The following NBPF9 variants were observed in gnomAD, a reference collection of about 807,000 sequenced individuals.
The protein encoded by NBPF9 is NBPF member 9.
In NBPF9, 91 loss-of-function variants were observed where a neutral mutation model predicts 97.8. That is an observed-to-expected ratio of 0.93 (90% CI 0.79 to 1.11). NBPF9 has a LOEUF of 1.11. NBPF9 is among the 50% of genes least tolerant of loss of function. The pLI, the probability that NBPF9 is intolerant of heterozygous loss-of-function variation, is 0.00. For missense variants in NBPF9, 992 were observed against 939.5 expected, an observed-to-expected ratio of 1.06 and a Z score of -0.73; for synonymous variants, 334 against 359.5, an observed-to-expected ratio of 0.93 and a Z score of 0.80.
chr1:149,097,588 CT>C (rs2081869245), intron 4 of NBPF9, among the ~76,000 whole-genome samples: 1 of 152,162 alleles, frequency 6.6e-6, no homozygotes, highest in Admixed American at 6.5e-5. Context: ...GACTTCCCTC[CT>C]TGCACTGGCT....
intron 5 of NBPF9, among the ~76,000 whole-genome samples, chr1:149,086,860 C>G (rs2081044156): frequency 6.6e-6 from 1 of 152,098 alleles, no homozygotes; most frequent in African/African-American, 2.4e-5. Flanking sequence ...TCTGGAAACA[C>G]ACATACAGAT....
chr1:149,081,436 T>C (rs1456702022), intron 7 of NBPF9, among the ~76,000 whole-genome samples: 1 of 150,100 alleles, frequency 6.7e-6, no homozygotes, highest in African/African-American at 2.4e-5. Context: ...CTGCTCTTGA[T>C]GCTGTCACTT....
intron 13 of NBPF9, among the ~76,000 whole-genome samples, chr1:149,073,217 C>T (rs587607045): frequency 6.6e-4 from 97 of 147,528 alleles, no homozygotes; most frequent in African/African-American, 2.3e-3. Context: ...AAAAGACATC[C>T]TTTCAGTTCC....
rs587763721 is a variant in NBPF9 at position 149,076,428 on chromosome 1, C to G, written c.779-564G>C. 7.5e-4 allele frequency among the ~76,000 whole-genome samples: 113 copies of G among 151,154 alleles called. 2 individuals are homozygous for G. The highest frequency in any genetic ancestry group is 3.4e-3 in the Middle Eastern group (1 of 294). On this transcript the variant is annotated intron_variant, in intron 11 of 29. Coordinates refer to ENST00000584027, the Ensembl canonical transcript of NBPF9. ...GACAGGCTGGTTTCGAACTCCTGAG[C>G]TCAGGTGTTCCGCCCACCTCGGCCT...
intron 12 of NBPF9, among the ~76,000 whole-genome samples, chr1:149,074,644 G>A (rs1184228622): frequency 6.6e-6 from 1 of 151,192 alleles, no homozygotes; most frequent in East Asian, 1.9e-4. Flanking sequence ...ATGGAGCCCA[G>A]GAGACAGGCC....
chr1:149,084,130 C>T (rs1221486732), intron 5 of NBPF9, among the ~76,000 whole-genome samples: 18 of 150,356 alleles, frequency 1.2e-4, no homozygotes, highest in East Asian at 2.0e-4. Flanking sequence ...GGACGGGGAA[C>T]ATCACACACC....
intron 7 of NBPF9, among the ~76,000 whole-genome samples, chr1:149,080,709 T>C (rs1575853595): frequency 7.1e-6 from 1 of 140,332 alleles, no homozygotes; most frequent in African/African-American, 2.7e-5. Flanking sequence ...GAAGGAAATA[T>C]GCCCAAATAC....
At position 149,061,049 on chromosome 1, in the gene NBPF9, A is replaced by T. The variant is rs648670; in HGVS notation, c.2303+283T>A. ...GCATACAGGGATCATGAAAAGACTGAGCTCAATAATTTTCCATAAAATGTG... is the reference window on the plus strand; with the variant it reads ...GCATACAGGGATCATGAAAAGACTGTGCTCAATAATTTTCCATAAAATGTG... On this transcript the variant is annotated intron_variant, in intron 23 of 29. Coordinates refer to ENST00000584027, the Ensembl canonical transcript of NBPF9. The T allele has an allele frequency of 8.9e-4, 375 of 420,132 alleles. 86 individuals are homozygous for T. Among genetic ancestry groups the T allele is most frequent in the Middle Eastern group, 2.4e-3 (3 of 1,276 alleles). The allele number at this position is 420,132 out of a possible 1,614,324, so 26.0% of individuals were successfully genotyped here.
intron 16 of NBPF9, 131 bp downstream of exon 16, chr1:149,070,803 C>T (rs587605852): frequency 1.7e-5 from 26 of 1,491,498 alleles, no homozygotes; most frequent in Admixed American, 5.3e-5. Context: ...GGACAAAAAA[C>T]TCCCTGATAT....
At chr1:149,072,770 C>A in exon 14 of NBPF9, 2 of 1,591,438 alleles carry the variant, frequency 1.3e-6, no homozygotes, top group Non-Finnish European at 1.7e-6. Flanking sequence ...CCTCAGCCAG[C>A]TGTTCTTGGA....
At chr1:149,088,409 CATTG>C (rs1244191924) in intron 5 of NBPF9, among the ~76,000 whole-genome samples, 120 of 152,340 alleles carry the variant, frequency 7.9e-4, no homozygotes, top group Non-Finnish European at 1.5e-3. Context: ...TACTTTATTG[CATTG>C]ATTTAGAGCT....
intron 24 of NBPF9, 180 bp downstream of exon 24, chr1:149,060,343 G>C: frequency 2.1e-6 from 1 of 468,852 alleles, no homozygotes; most frequent in East Asian, 2.7e-5. Flanking sequence ...CTTGCCCACT[G>C]ACCCATCCCT....
chr1:149,100,817 C>T (rs587775770), intron 3 of NBPF9, among the ~76,000 whole-genome samples: 3 of 151,622 alleles, frequency 2.0e-5, no homozygotes, highest in African/African-American at 7.3e-5. Context: ...CTCCTATAGT[C>T]GCAGCTACTC....
chr1:149,075,976 T>C (rs1476747154), intron 11 of NBPF9, 112 bp from the exon 12 acceptor site: 2 of 1,017,988 alleles, frequency 2.0e-6, no homozygotes, highest in Non-Finnish European at 1.6e-6. Flanking sequence ...TTGAAGATGT[T>C]GTTTCCCTGG....
At chr1:149,088,442 A>G (rs1434144744) in intron 5 of NBPF9, among the ~76,000 whole-genome samples, 5 of 152,200 alleles carry the variant, frequency 3.3e-5, no homozygotes, top group African/African-American at 1.2e-4. Flanking sequence ...ATGCTGAATT[A>G]GAAGAGTAAC....
At position 149,055,889 on chromosome 1, in the gene NBPF9, C is replaced by T. The variant is rs782624686; in HGVS notation, c.3103G>A (p.Val1035Met). The change falls in exon 30 of 30, where the codon GTG becomes ATG. Residue 1035 changes from valine to methionine, a missense_variant. Physicochemically the swap from Val to Met is conservative, Grantham distance 21. Around this residue, in one of 11 missense-constraint regions of NBPF9, gnomAD observed 397 missense variants for 213.6 expected, o/e 1.86. Transcript: ENST00000584027. ...TCAGGCTCTTCCACTTCCATCAGCA[C>T]GCCGTTGAGCCTGGAAAAGGAGACA... 2.0e-4 allele frequency: 327 copies of T among 1,611,172 alleles called. 1 individual carries two copies. Among genetic ancestry groups the T allele is most frequent in the Middle Eastern group, 6.7e-4 (3 of 4,448 alleles).
At chr1:149,089,734 C>G (rs1425951008) in intron 5 of NBPF9, among the ~76,000 whole-genome samples, 19 of 152,308 alleles carry the variant, frequency 1.2e-4, no homozygotes, top group Non-Finnish European at 5.9e-5. Flanking sequence ...TTATTTTCAA[C>G]TGTTGTTCCA....
chr1:149,062,303 G>A (rs1553650282), intron 21 of NBPF9, 38 bp from the exon 22 acceptor site: 1 of 628,438 alleles, frequency 1.6e-6, no homozygotes, highest in South Asian at 1.8e-5. Context: ...AAGCCAGGGG[G>A]AATCAGAAAC....
chr1:149,093,138 C>G (rs1335351721), intron 4 of NBPF9, among the ~76,000 whole-genome samples: 3 of 151,840 alleles, frequency 2.0e-5, no homozygotes, highest in Non-Finnish European at 4.4e-5. Context: ...CAGGTAAACA[C>G]GTGAACAAAT....
Sources: gnomAD v4.1 joint callset for allele counts (sites outside exome capture counted in the v4.1 genomes callset) on GRCh38, gnomAD v4.1.1 for gene constraint, gnomAD v4.1.1 regional missense constraint, MANE v1.5 for transcripts, NCBI Gene and HGNC (gene_info 2026-07-23, HGNC 2026-07-21) for gene names.